Variants in SUMF1 observed in about 807,000 individuals in gnomAD.
SUMF1 encodes the protein formylglycine-generating enzyme.
In SUMF1, 48 loss-of-function variants were observed where a neutral mutation model predicts 47.6. The ratio of observed to expected loss-of-function variants is 1.01; its 90% CI spans 0.80 to 1.28. The LOEUF (loss-of-function observed/expected upper bound fraction) is 1.28. Among genes scored for constraint, SUMF1 ranks in the 50% most tolerant of loss-of-function variants. The probability of loss-of-function intolerance (pLI) is 0.00; values close to 1 mark genes in which losing one functional copy is unlikely to be tolerated. For missense variants in SUMF1, 571 were observed against 485.4 expected (o/e 1.18, Z -1.66); for synonymous variants, 230 against 192.1 (o/e 1.20, Z -1.63).
chr3:4,162,898 T>C (rs1694611006), intron 8 of SUMF1, among the ~76,000 whole-genome samples: 1 of 133,780 alleles, frequency 7.5e-6, no homozygotes, highest in Admixed American at 7.6e-5. Context: ...TCACTGTGCC[T>C]CCCTCATAAA....
At chr3:4,257,042 C>G (rs1696971384) in intron 8 of SUMF1, among the ~76,000 whole-genome samples, 1 of 115,674 alleles carries the variant, frequency 8.6e-6, no homozygotes, top group Middle Eastern at 3.6e-3. Flanking sequence ...CAGAAAAAGC[C>G]TTTGACAAAA....
intron 1 of SUMF1, 103 bp from the exon 2 acceptor site, chr3:4,453,152 C>T: frequency 8.5e-7 from 1 of 1,173,342 alleles, no homozygotes; most frequent in Non-Finnish European, 1.2e-6. Flanking sequence ...GTTTGTAAAT[C>T]TTCACCACAG....
At chr3:4,379,840 C>CAAAAAAAA (rs58264459) in intron 7 of SUMF1, among the ~76,000 whole-genome samples, 5 of 76,878 alleles carry the variant, frequency 6.5e-5, no homozygotes, top group East Asian at 3.8e-4. Flanking sequence ...GCCTCCATCT[C>CAAAAAAAA]AAAAAAAAAA....
chr3:4,120,199 C>T (rs1002570781), intron 8 of SUMF1, among the ~76,000 whole-genome samples: 3 of 152,072 alleles, frequency 2.0e-5, no homozygotes, highest in Non-Finnish European at 4.4e-5. Context: ...GTCTTTACCA[C>T]TGAACTGTGA....
intron 8 of SUMF1, among the ~76,000 whole-genome samples, chr3:4,270,036 A>G (rs1697272582): frequency 6.6e-6 from 1 of 152,118 alleles, no homozygotes; most frequent in African/African-American, 2.4e-5. Flanking sequence ...AAGTACTACA[A>G]ATAAGGTATT....
At chr3:4,251,485 T>A (rs1245489268) in intron 8 of SUMF1, among the ~76,000 whole-genome samples, 1 of 152,174 alleles carries the variant, frequency 6.6e-6, no homozygotes, top group Non-Finnish European at 1.5e-5. Context: ...TGACTCAAAT[T>A]TTGAAAGAAG....
chr3:4,235,155 G>A (rs1302568234), intron 8 of SUMF1, among the ~76,000 whole-genome samples: 1 of 152,132 alleles, frequency 6.6e-6, no homozygotes, highest in Non-Finnish European at 1.5e-5. Flanking sequence ...ACAAAGGAAA[G>A]TGGATGGAAA....
chr3:4,417,221 T>A lies in SUMF1; in HGVS notation c.747A>T (p.Lys249Asn). 1.2e-6 allele frequency: 2 copies of A among 1,613,950 alleles called. No homozygotes were observed. The highest frequency in any genetic ancestry group is 1.7e-6 in the Non-Finnish European group (2 of 1,179,902). The change falls in exon 6 of 9, where the codon AAA becomes AAT. Residue 249 changes from lysine (K) to asparagine (N), a missense_variant. Coordinates refer to ENST00000272902, the MANE Select transcript of SUMF1 (RefSeq NM_182760.4). ...CATAATGCTGGCCTTTGGGCTGCAG[T>A]TTGTTGCCCCAGGGGAAAAGTCTGT... ...LHNRLFPWGN[K>N]LQPKGQHYAN... is the part of the protein sequence containing the mutation.
intron 8 of SUMF1, among the ~76,000 whole-genome samples, chr3:4,326,674 T>A (rs1179407374): frequency 2.0e-5 from 3 of 152,004 alleles, no homozygotes; most frequent in Non-Finnish European, 4.4e-5. Flanking sequence ...CATGCCACCA[T>A]AACCAGATAA....
Position 4,253,291 on chromosome 3 carries a change from A to G in SUMF1, c.1014+123039T>C, listed in dbSNP as rs1049432064. On this transcript the variant is annotated intron_variant and NMD_transcript_variant, in intron 8 of 12. Transcript: ENST00000448413. ...GGCCGAATAGGAACAGCTCCGGTCTACAGCTCCCAGCGTGAGTGACGCAGA... is the reference window on the plus strand; with the variant it reads ...GGCCGAATAGGAACAGCTCCGGTCTGCAGCTCCCAGCGTGAGTGACGCAGA... Among the ~76,000 whole-genome samples the G allele has an allele frequency of 3.3e-5, 5 of 152,338 alleles. No homozygotes were observed. The East Asian group carries it at 9.7e-4, about 29-fold the overall frequency.
intron 3 of SUMF1, among the ~76,000 whole-genome samples, chr3:4,448,390 G>A (rs1258766291): frequency 6.6e-6 from 1 of 152,076 alleles, no homozygotes; most frequent in Non-Finnish European, 1.5e-5. Flanking sequence ...TAAAAAGGAA[G>A]ATGAGGGCTG....
intron 7 of SUMF1, among the ~76,000 whole-genome samples, chr3:4,399,302 G>A (rs543615198): frequency 3.3e-5 from 5 of 152,092 alleles, no homozygotes; most frequent in South Asian, 4.2e-4. Flanking sequence ...CTTTTAACCC[G>A]AAACACATTT....
intron 8 of SUMF1, among the ~76,000 whole-genome samples, chr3:4,085,083 TA>T (rs777597606): frequency 1.3e-5 from 2 of 152,088 alleles, no homozygotes; most frequent in East Asian, 1.9e-4. Context: ...AGAGACAGAT[TA>T]GGGGTGGGCC....
chr3:4,174,590 A>G (rs2125127252), intron 8 of SUMF1, among the ~76,000 whole-genome samples: 1 of 152,172 alleles, frequency 6.6e-6, no homozygotes, highest in South Asian at 2.1e-4. Flanking sequence ...GAATAGGAAC[A>G]GCTCCAATCT....
chr3:4,246,143 C>T (rs1165914282), intron 8 of SUMF1, among the ~76,000 whole-genome samples: 3 of 152,144 alleles, frequency 2.0e-5, no homozygotes, highest in African/African-American at 4.8e-5. Flanking sequence ...AGAAGTGCAC[C>T]GTTCCCCCAG....
At chr3:4,155,962 G>A (rs1357534038) in intron 8 of SUMF1, among the ~76,000 whole-genome samples, 1 of 151,130 alleles carries the variant, frequency 6.6e-6, no homozygotes, top group Non-Finnish European at 1.5e-5. Flanking sequence ...ATTACCCCAG[G>A]TATAACACTT....
intron 3 of SUMF1, among the ~76,000 whole-genome samples, chr3:4,438,314 A>G (rs1240722503): frequency 1.3e-5 from 2 of 152,096 alleles, no homozygotes; most frequent in African/African-American, 2.4e-5. Flanking sequence ...TCCTTGACTA[A>G]ACTCTAATGA....
chr3:4,107,216 A>G (rs1693178450), intron 8 of SUMF1, among the ~76,000 whole-genome samples: 1 of 152,102 alleles, frequency 6.6e-6, no homozygotes, highest in Non-Finnish European at 1.5e-5. Context: ...AGGAGCTAAG[A>G]TTTGCCAAAT....
intron 8 of SUMF1, among the ~76,000 whole-genome samples, chr3:4,128,173 T>C (rs1356753208): frequency 6.6e-6 from 1 of 152,090 alleles, no homozygotes; most frequent in Non-Finnish European, 1.5e-5. Flanking sequence ...TTATCTCCTG[T>C]AGAAAAAGCT....
Sources: gnomAD v4.1 joint callset for allele counts (sites outside exome capture counted in the v4.1 genomes callset) on GRCh38, gnomAD v4.1.1 for gene constraint, MANE v1.5 for transcripts, NCBI Gene and HGNC (gene_info 2026-07-23, HGNC 2026-07-21) for gene names.